The following DCLK1 variants were observed in gnomAD, a reference collection of about 807,000 sequenced individuals.
The protein encoded by DCLK1 is doublecortin like kinase 1, also known as serine/threonine-protein kinase DCLK1.
In DCLK1, 16 loss-of-function variants were observed where a neutral mutation model predicts 86.2. The ratio of observed to expected loss-of-function variants is 0.19; its 90% CI spans 0.13 to 0.28. DCLK1 has a LOEUF of 0.28. DCLK1 is among the 10% of genes least tolerant of loss of function. The pLI is 1.00. For synonymous variants in DCLK1, 369 were observed against 370.5 expected (o/e 1.00, Z 0.05); for missense variants, 590 against 940.2 (o/e 0.63, Z 4.87).
intron 3 of DCLK1, among the ~76,000 whole-genome samples, chr13:36,034,270 C>T (rs1487534591): frequency 6.6e-6 from 1 of 152,094 alleles, no homozygotes; most frequent in Non-Finnish European, 1.5e-5. Flanking sequence ...GTTGTTTTCT[C>T]CCAGAATAGA....
chr13:35,893,339 C>CA (rs1231784514), intron 4 of DCLK1, among the ~76,000 whole-genome samples: 1 of 152,060 alleles, frequency 6.6e-6, no homozygotes, highest in South Asian at 2.1e-4. Flanking sequence ...GTGTGACATA[C>CA]AAAAAAGAAT....
chr13:36,013,872 T>C (rs1043308943), intron 3 of DCLK1, among the ~76,000 whole-genome samples: 7 of 152,220 alleles, frequency 4.6e-5, no homozygotes, highest in African/African-American at 1.4e-4. Context: ...GTGCTAGCAA[T>C]CAGCGAGATT....
chr13:35,852,569 G>A (rs1870735204), intron 6 of DCLK1, among the ~76,000 whole-genome samples: 1 of 152,144 alleles, frequency 6.6e-6, no homozygotes, highest in Non-Finnish European at 1.5e-5. Flanking sequence ...CGTTTAAATG[G>A]TAAAATGAAG....
intron 3 of DCLK1, among the ~76,000 whole-genome samples, chr13:35,954,377 C>G (rs147525014): frequency 1.3e-4 from 20 of 152,230 alleles, no homozygotes; most frequent in Middle Eastern, 3.4e-3. Flanking sequence ...GAGGAGGTTC[C>G]TCTTCCAATT....
chr13:36,091,750 A>C (rs1884835051), intron 3 of DCLK1, among the ~76,000 whole-genome samples: 1 of 152,180 alleles, frequency 6.6e-6, no homozygotes, highest in Non-Finnish European at 1.5e-5. Flanking sequence ...TGACAGTAAG[A>C]AGGCTGCTGT....
intron 16 of DCLK1, among the ~76,000 whole-genome samples, chr13:35,789,826 T>C (rs2086681640): frequency 6.6e-6 from 1 of 152,206 alleles, no homozygotes; most frequent in African/African-American, 2.4e-5. Context: ...ATGTCATCTC[T>C]AATTCATTTC....
intron 8 of DCLK1, among the ~76,000 whole-genome samples, chr13:35,833,669 T>G (rs549326985): frequency 8.5e-5 from 13 of 152,332 alleles, no homozygotes; most frequent in Admixed American, 3.3e-4. Context: ...GAGAGGCATA[T>G]TCACCCTTGG....
chr13:36,018,938 A>G (rs1881644076), intron 3 of DCLK1, among the ~76,000 whole-genome samples: 1 of 152,196 alleles, frequency 6.6e-6, no homozygotes, highest in Admixed American at 6.5e-5. Context: ...AAAAATGCAG[A>G]TAGCGCACAT....
At chr13:36,109,467 A>G (rs1171086665) in intron 3 of DCLK1, among the ~76,000 whole-genome samples, 1 of 152,216 alleles carries the variant, frequency 6.6e-6, no homozygotes, top group Non-Finnish European at 1.5e-5. Context: ...GGTCTTGTGC[A>G]TGTTTTTAAC....
chr13:35,902,790 C>T (rs73518657), intron 4 of DCLK1, among the ~76,000 whole-genome samples: 10,073 of 151,950 alleles, frequency 0.066, 1,073 homozygotes, highest in African/African-American at 0.23. Flanking sequence ...TTTCAGCCCC[C>T]GAAACAGTGA....
intron 3 of DCLK1, among the ~76,000 whole-genome samples, chr13:35,989,183 C>G (rs1259759365): frequency 6.6e-6 from 1 of 152,180 alleles, no homozygotes; most frequent in Non-Finnish European, 1.5e-5. Context: ...GACAGACTCC[C>G]TTAAGATACA....
intron 4 of DCLK1, among the ~76,000 whole-genome samples, chr13:35,924,391 T>G (rs531623231): frequency 6.6e-6 from 1 of 152,320 alleles, no homozygotes; most frequent in East Asian, 1.9e-4. Flanking sequence ...GGATCATGCC[T>G]GTAATCCCAG....
chr13:36,034,843 C>T (rs907642739), intron 3 of DCLK1, among the ~76,000 whole-genome samples: 3 of 152,202 alleles, frequency 2.0e-5, no homozygotes, highest in Admixed American at 6.5e-5. Flanking sequence ...TTCCAGCACA[C>T]GCCGCCTCTT....
intron 4 of DCLK1, among the ~76,000 whole-genome samples, chr13:35,892,428 A>G (rs919573763): frequency 6.6e-6 from 1 of 152,102 alleles, no homozygotes; most frequent in Non-Finnish European, 1.5e-5. Flanking sequence ...GATGAGCAAA[A>G]GTCTGTAATT....
At chr13:36,104,127 C>CT (rs1457784131) in intron 3 of DCLK1, among the ~76,000 whole-genome samples, 7 of 152,148 alleles carry the variant, frequency 4.6e-5, no homozygotes, top group Non-Finnish European at 1.0e-4. Context: ...AGTGTGTGGC[C>CT]ACGCTGCAGA....
At chr13:35,850,237 C>A (rs1049633431) in intron 6 of DCLK1, 2 of 983,822 alleles carry the variant, frequency 2.0e-6, no homozygotes, top group African/African-American at 1.7e-5. Context: ...CTCTAAAAAC[C>A]AAGCAATTCA....
At chr13:36,035,222 C>T (rs1438651478) in intron 3 of DCLK1, among the ~76,000 whole-genome samples, 1 of 152,122 alleles carries the variant, frequency 6.6e-6, no homozygotes, top group Admixed American at 6.6e-5. Context: ...TCTCTCTTTG[C>T]CTCTCCCTGG....
intron 3 of DCLK1, among the ~76,000 whole-genome samples, chr13:36,070,649 T>TG (rs1883940980): frequency 2.0e-5 from 3 of 151,582 alleles, no homozygotes; most frequent in Admixed American, 2.0e-4. Context: ...ACTTAATTTT[T>TG]TTTCTTTTGA....
rs570087052 is a variant in DCLK1, at chr13:36,101,868, C to T, written c.723+10001G>A. The stretch of plus-strand genomic sequence containing the variant: ...AAGGGATTCTTCTGCCTCAGCCTCC[C>T]GAGTGGCTGGTATTACAGGCACCCA... On this transcript the variant is annotated intron_variant, in intron 3 of 16. Transcript: ENST00000360631. Among the ~76,000 whole-genome samples, 5 of 152,222 alleles carry T rather than the reference C, an allele frequency of 3.3e-5. No individual in the cohort carries two copies. In the East Asian group the frequency reaches 7.7e-4, roughly 24 times the overall value.
Sources: gnomAD v4.1 joint callset for allele counts (sites outside exome capture counted in the v4.1 genomes callset) on GRCh38, gnomAD v4.1.1 for gene constraint, MANE v1.5 for transcripts, NCBI Gene and HGNC (gene_info 2026-07-23, HGNC 2026-07-21) for gene names.